The following IL18RAP variants were observed in gnomAD, a reference collection of about 807,000 sequenced individuals.
IL18RAP encodes the protein interleukin 18 receptor accessory protein.
In IL18RAP, 37 loss-of-function variants were observed where a neutral mutation model predicts 58.1. That is an observed-to-expected ratio of 0.64 (90% CI 0.49 to 0.84). The LOEUF is 0.84. Ranked by LOEUF, IL18RAP falls within the 40% of genes least tolerant of loss-of-function variation. The pLI is 0.00. For missense variants in IL18RAP, 667 were observed against 704.8 expected (o/e 0.95, Z 0.61); for synonymous variants, 268 against 257.5 (o/e 1.04, Z -0.39).
upstream of IL18RAP, among the ~76,000 whole-genome samples, chr2:102,421,476 T>C (rs745586698): frequency 1.3e-5 from 2 of 152,102 alleles, no homozygotes; most frequent in Non-Finnish European, 2.9e-5. Context: ...GGAAGATGTG[T>C]CTGGTGGTGG....
chr2:102,452,366 G>C lies in IL18RAP; in HGVS notation c.*185G>C, dbSNP rs1683827297. 8.8e-6 allele frequency: 5 copies of C among 566,852 alleles called. No homozygotes were observed. The highest frequency in any genetic ancestry group is 4.6e-4 in the Middle Eastern group (1 of 2,182). 35.1% of individuals were successfully genotyped at this position (566,852 alleles called of 1,614,324 possible). ...GTGGTTTAGAGCCTTTGATTTCCTG[G>C]ACTGGACTGACGGCGAGTGAATTCT... On this transcript the variant is annotated 3_prime_UTR_variant, in exon 10 of 10. Transcript: ENST00000687160.
chr2:102,422,867 A>G (rs1558632527), upstream of IL18RAP, among the ~76,000 whole-genome samples: 1 of 152,220 alleles, frequency 6.6e-6, no homozygotes, highest in African/African-American at 2.4e-5. Context: ...GGAAAAGTTA[A>G]ACATAACTCT....
At chr2:102,445,373 A>G in intron 7 of IL18RAP, 33 bp downstream of exon 7, 2 of 1,604,068 alleles carry the variant, frequency 1.2e-6, no homozygotes, top group Non-Finnish European at 1.7e-6. Flanking sequence ...GAGGCATGAA[A>G]CTGCTTTCAC....
Position 102,423,778 on chromosome 2 carries a change from G to C in IL18RAP, c.71-33G>C, listed in dbSNP as rs1028469626. The C allele has an allele frequency of 2.0e-5, 27 of 1,373,206 alleles. No homozygotes were observed. The African/African-American group carries it at 6.2e-4, about 32-fold the overall frequency. The allele number at this position is 1,373,206 out of a possible 1,614,324, so 85.1% of individuals were successfully genotyped here. On this transcript the variant is annotated intron_variant, in intron 1 of 9. Transcript: ENST00000687160. The stretch of plus-strand genomic sequence containing the variant: ...AAGCTAGAATTCCATTTTCTAATGT[G>C]TTTCCATGTGCTTTGTTTATTATGA...
At chr2:102,435,811 A>C (rs567320841) in intron 3 of IL18RAP, among the ~76,000 whole-genome samples, 23 of 151,776 alleles carry the variant, frequency 1.5e-4, no homozygotes, top group African/African-American at 5.3e-4. Flanking sequence ...CCTGCTTCAC[A>C]TATACCTTTA....
At position 102,423,258 on chromosome 2, in the gene IL18RAP, G is replaced by A. The variant is rs1442810582; in HGVS notation, c.-20G>A. 5.0e-6 allele frequency: 8 copies of A among 1,613,118 alleles called. No individual in the cohort carries two copies. The Admixed American group carries it at 1.2e-4, about 24-fold the overall frequency. On this transcript the variant is annotated 5_prime_UTR_variant, in exon 1 of 10. An upstream start codon of the reference 5' UTR is lost. Transcript: ENST00000687160. ...AAAGGAATGAAGTTATTGGAGTGAT[G>A]ACAGGAACACGGGAGAACAATGCTC...
chr2:102,430,217 C>T (rs183623934), intron 3 of IL18RAP, among the ~76,000 whole-genome samples: 22 of 151,874 alleles, frequency 1.4e-4, no homozygotes, highest in East Asian at 3.9e-4. Flanking sequence ...TTAATAAATG[C>T]GTTATATATT....
intron 3 of IL18RAP, among the ~76,000 whole-genome samples, chr2:102,430,162 T>G (rs1682240972): frequency 6.6e-6 from 1 of 152,044 alleles, no homozygotes; most frequent in Non-Finnish European, 1.5e-5. Flanking sequence ...ATTAAGGTAT[T>G]GAGTTTCTTA....
intron 3 of IL18RAP, among the ~76,000 whole-genome samples, chr2:102,436,685 A>G (rs928691412): frequency 2.6e-5 from 4 of 152,184 alleles, no homozygotes; most frequent in African/African-American, 7.2e-5. Flanking sequence ...GAGAGAGAAA[A>G]AAAAGCCACT....
chr2:102,440,167 G>A (rs1163813984), intron 4 of IL18RAP: 1 of 152,488 alleles, frequency 6.6e-6, no homozygotes, highest in Non-Finnish European at 1.5e-5. Context: ...GGGGTATCAG[G>A]AGGAGTGAAA....
chr2:102,451,291 G>A (rs961257737), intron 9 of IL18RAP, among the ~76,000 whole-genome samples: 1 of 152,210 alleles, frequency 6.6e-6, no homozygotes, highest in African/African-American at 2.4e-5. Flanking sequence ...TGAAGGCTGC[G>A]AAGTGAACTA....
rs1205615111 is a variant in IL18RAP, at chr2:102,447,128, G to A, written c.1131G>A (p.Ala377=). 1.1e-5 allele frequency: 18 copies of A among 1,614,102 alleles called. No individual in the cohort carries two copies. The highest frequency in any genetic ancestry group is 2.2e-5 in the East Asian group (1 of 44,868). ...GGACCCTGGTGGCCGTGCTGGCGGC[G>A]AGTGCCCTCCTCTACAGGCACTGGA... ...TIGTLVAVLA[A]SALLYRHWIE... The change falls in exon 8 of 10, where the codon GCG becomes GCA. Residue 377 remains alanine, a synonymous_variant. Transcript: ENST00000687160.
intron 8 of IL18RAP, among the ~76,000 whole-genome samples, chr2:102,449,922 C>G (rs1313623439): frequency 1.3e-5 from 2 of 152,136 alleles, no homozygotes; most frequent in Non-Finnish European, 2.9e-5. Context: ...CTTTTATATC[C>G]TCCTCTGTTG....
intron 7 of IL18RAP, 107 bp downstream of exon 7, chr2:102,445,447 T>A: frequency 8.4e-7 from 1 of 1,190,642 alleles, no homozygotes; most frequent in Non-Finnish European, 1.2e-6. Context: ...ATTTTCTAGG[T>A]GACAGACATT....
intron 3 of IL18RAP, among the ~76,000 whole-genome samples, chr2:102,429,394 T>C (rs1471414284): frequency 6.6e-6 from 1 of 152,012 alleles, no homozygotes; most frequent in Non-Finnish European, 1.5e-5. Context: ...ATCCTTTGTA[T>C]TTTTGTGGTA....
upstream of IL18RAP, chr2:102,423,136 C>A: frequency 1.2e-6 from 1 of 836,582 alleles, no homozygotes; most frequent in South Asian, 1.6e-5. Flanking sequence ...GCACTTTGTT[C>A]ACTGGTTCTG....
upstream of IL18RAP, among the ~76,000 whole-genome samples, chr2:102,420,533 GT>G (rs1393538052): frequency 6.6e-6 from 1 of 152,176 alleles, no homozygotes. Flanking sequence ...TCATCTCAAG[GT>G]TGGCGGACAT....
At chr2:102,450,763 T>C (rs1241597582) in intron 8 of IL18RAP, 85 bp from the exon 9 acceptor site, 2 of 710,116 alleles carry the variant, frequency 2.8e-6, no homozygotes, top group Non-Finnish European at 4.3e-6. Flanking sequence ...TCATTTACCA[T>C]ATGATTCAAG....
At chr2:102,450,682 C>T (rs559264738) in intron 8 of IL18RAP, among the ~76,000 whole-genome samples, 166 bp from the exon 9 acceptor site, 12 of 152,200 alleles carry the variant, frequency 7.9e-5, no homozygotes, top group Non-Finnish European at 1.2e-4. Context: ...AAATCAATAC[C>T]GCTCAGTGGT....
Sources: allele counts gnomAD v4.1 joint callset (sites outside exome capture counted in the v4.1 genomes callset), GRCh38; gene constraint gnomAD v4.1.1; transcripts MANE v1.5; gene names NCBI Gene and HGNC (gene_info 2026-07-23, HGNC 2026-07-21).